Variants in MGAT4C observed in about 807,000 individuals in gnomAD.
MGAT4C encodes the protein alpha-1,3-mannosyl-glycoprotein 4-beta-N-acetylglucosaminyltransferase C.
Under a neutral mutation model 40.1 loss-of-function variants are expected in MGAT4C, and 19 were observed. The ratio of observed to expected loss-of-function variants is 0.47; its 90% CI spans 0.33 to 0.70. MGAT4C has a LOEUF of 0.70. MGAT4C is among the 30% of genes least tolerant of loss of function. The probability of loss-of-function intolerance (pLI) is 0.02; values close to 1 mark genes in which losing one functional copy is unlikely to be tolerated. For missense variants in MGAT4C, 491 were observed against 563.2 expected, an observed-to-expected ratio of 0.87 and a Z score of 1.30; for synonymous variants, 181 against 187.1, an observed-to-expected ratio of 0.97 and a Z score of 0.27.
intron 1 of MGAT4C, among the ~76,000 whole-genome samples, chr12:86,128,652 T>C (rs182353225): frequency 6.8e-4 from 103 of 152,242 alleles, no homozygotes; most frequent in African/African-American, 2.5e-3. Context: ...GAATAAGTGA[T>C]AAAGAAGGAA....
intron 1 of MGAT4C, among the ~76,000 whole-genome samples, chr12:86,780,401 T>C (rs1485154316): frequency 6.6e-6 from 1 of 151,996 alleles, no homozygotes; most frequent in Non-Finnish European, 1.5e-5. Flanking sequence ...TGAATTGTGA[T>C]CTTCAGTGTT....
intron 1 of MGAT4C, among the ~76,000 whole-genome samples, chr12:86,774,349 C>CTTTCTTTCTTTCTTTCTT (rs1951709726): frequency 5.7e-5 from 1 of 17,422 alleles, no homozygotes; most frequent in Non-Finnish European, 1.3e-4. Context: ...CTGTCTCTCT[C>CTTTCTTTCTTTCTTTCTT]TCTCCCCTCT....
intron 2 of MGAT4C, among the ~76,000 whole-genome samples, chr12:86,552,778 G>A (rs1231737938): frequency 6.6e-6 from 1 of 152,004 alleles, no homozygotes; most frequent in Non-Finnish European, 1.5e-5. Context: ...ATTTTCTGAG[G>A]GTAGCTCAGT....
At chr12:86,008,368 T>G (rs1888109436) in intron 2 of MGAT4C, among the ~76,000 whole-genome samples, 1 of 152,034 alleles carries the variant, frequency 6.6e-6, no homozygotes, top group Admixed American at 6.5e-5. Flanking sequence ...CTGACATCTT[T>G]CATGCCTGTA....
At chr12:86,521,319 A>C (rs143888498) in intron 2 of MGAT4C, among the ~76,000 whole-genome samples, 80 of 152,300 alleles carry the variant, frequency 5.3e-4, no homozygotes, top group African/African-American at 1.8e-3. Flanking sequence ...CCATTTATTG[A>C]ATAGGGTGTC....
intron 2 of MGAT4C, among the ~76,000 whole-genome samples, chr12:86,697,973 A>T (rs1950286967): frequency 6.6e-6 from 1 of 152,116 alleles, no homozygotes; most frequent in Admixed American, 6.6e-5. Context: ...TCTTAAATAG[A>T]TGTATTATAT....
At chr12:86,075,407 C>T (rs1869497091) in intron 1 of MGAT4C, among the ~76,000 whole-genome samples, 1 of 152,160 alleles carries the variant, frequency 6.6e-6, no homozygotes, top group South Asian at 2.1e-4. Flanking sequence ...TCCCTCCTAG[C>T]TGCTTTCCCA....
chr12:86,157,728 A>C (rs756522617), intron 1 of MGAT4C, among the ~76,000 whole-genome samples: 42 of 152,310 alleles, frequency 2.8e-4, no homozygotes, highest in Non-Finnish European at 5.9e-4. Context: ...ACATGGTGGC[A>C]GGAGAGAGAG....
chr12:86,568,774 C>T (rs915136272), intron 2 of MGAT4C, among the ~76,000 whole-genome samples: 6 of 151,790 alleles, frequency 4.0e-5, no homozygotes, highest in African/African-American at 7.3e-5. Flanking sequence ...AATAAATTTA[C>T]GTATATACAG....
At chr12:86,805,965 T>G (rs1258264237) in intron 1 of MGAT4C, among the ~76,000 whole-genome samples, 1 of 151,912 alleles carries the variant, frequency 6.6e-6, no homozygotes, top group Non-Finnish European at 1.5e-5. Flanking sequence ...TCTCTGATGA[T>G]TTAGTGATGT....
rs1883500085 is a variant in MGAT4C at position 85,969,154 on chromosome 12, A to C, written c.*10135T>G. ...GAAACACACATTTTCAATATATTGA[A>C]AAGATGATTCTTTTGCATGATGACT... On this transcript the variant is annotated 3_prime_UTR_variant, in exon 5 of 5. Coordinates refer to ENST00000611864, the MANE Select transcript of MGAT4C (RefSeq NM_001351288.2). 6.6e-6 allele frequency: 1 copy of C among 151,720 alleles called. No individual in the cohort carries two copies. The highest frequency in any genetic ancestry group is 1.5e-5 in the Non-Finnish European group (1 of 67,722). The allele number at this position is 151,720 out of a possible 1,614,324, so 9.4% of individuals were successfully genotyped here. A position where few individuals can be genotyped will look rare whatever the true frequency, so the allele number is the denominator to read the frequency against.
intron 1 of MGAT4C, among the ~76,000 whole-genome samples, chr12:86,144,038 A>T (rs1219341562): frequency 6.6e-6 from 1 of 152,160 alleles, no homozygotes; most frequent in Non-Finnish European, 1.5e-5. Flanking sequence ...AGTCATAGGG[A>T]TGATGCGCAC....
chr12:86,235,731 C>T (rs1420175073), intron 1 of MGAT4C, among the ~76,000 whole-genome samples: 1 of 152,074 alleles, frequency 6.6e-6, no homozygotes, highest in Non-Finnish European at 1.5e-5. Context: ...CTAGTTTAAG[C>T]ACCTTTCCTG....
At chr12:86,361,850 A>G (rs1238370387) in intron 3 of MGAT4C, among the ~76,000 whole-genome samples, 1 of 152,144 alleles carries the variant, frequency 6.6e-6, no homozygotes, top group Non-Finnish European at 1.5e-5. Context: ...GTGCTGGAGA[A>G]AATGTGGAGA....
intron 3 of MGAT4C, among the ~76,000 whole-genome samples, chr12:86,386,817 T>A (rs1956060692): frequency 6.6e-6 from 1 of 152,158 alleles, no homozygotes; most frequent in African/African-American, 2.4e-5. Flanking sequence ...ATATACAATA[T>A]CTTGATAGAA....
intron 2 of MGAT4C, among the ~76,000 whole-genome samples, chr12:86,487,059 C>A (rs990644991): frequency 6.6e-6 from 1 of 152,116 alleles, no homozygotes; most frequent in Admixed American, 6.6e-5. Context: ...TAATTTATAA[C>A]AATAACTGTG....
chr12:86,097,857 A>T (rs1874231136), intron 1 of MGAT4C, among the ~76,000 whole-genome samples: 1 of 151,662 alleles, frequency 6.6e-6, no homozygotes, highest in Admixed American at 6.6e-5. Flanking sequence ...TGTGTTATAT[A>T]TGCTACTACT....
chr12:86,147,389 C>T (rs1343151472), intron 1 of MGAT4C, among the ~76,000 whole-genome samples: 1 of 152,034 alleles, frequency 6.6e-6, no homozygotes, highest in Non-Finnish European at 1.5e-5. Flanking sequence ...CTACAGGCAC[C>T]CGCCACCACG....
rs188805552 is a variant in MGAT4C at position 86,061,829 on chromosome 12, T to C, written c.-56-12106A>G. Among the ~76,000 whole-genome samples, 787 of 152,180 alleles carry C rather than the reference T, an allele frequency of 5.2e-3. 1 individual carries two copies. The highest frequency in any genetic ancestry group is 0.02 in the Middle Eastern group (6 of 294). On this transcript the variant is annotated intron_variant, in intron 1 of 4. Coordinates refer to ENST00000611864, the MANE Select transcript of MGAT4C (RefSeq NM_001351288.2). ...TGTTCAGACTGCCTCTCTAGATTTT[T>C]CCTCTCTGGGCAGGGCATCTCTGAA...
Sources: gnomAD v4.1 joint callset for allele counts (sites outside exome capture counted in the v4.1 genomes callset) on GRCh38, gnomAD v4.1.1 for gene constraint, MANE v1.5 for transcripts, NCBI Gene and HGNC (gene_info 2026-07-23, HGNC 2026-07-21) for gene names.